RGS3: variants seen among roughly 807,000 people sequenced by gnomAD.
RGS3 encodes regulator of G-protein signalling 3.
Under a neutral mutation model 132.6 loss-of-function variants are expected in RGS3, and 80 were observed. That is an observed-to-expected ratio of 0.60 (90% CI 0.50 to 0.73). The LOEUF (loss-of-function observed/expected upper bound fraction) is 0.73. Ranked by LOEUF, RGS3 falls within the 30% of genes least tolerant of loss-of-function variation. The pLI is 0.00. For synonymous variants in RGS3, 598 were observed against 620.6 expected, an observed-to-expected ratio of 0.96 and a Z score of 0.54; for missense variants, 1,382 against 1,530.8, an observed-to-expected ratio of 0.90 and a Z score of 1.62.
chr9:113,573,124 T>C lies in RGS3; in HGVS notation c.2038-10326T>C, dbSNP rs566338497. On this transcript the variant is annotated intron_variant, in intron 19 of 24. Coordinates refer to ENST00000350696, the Ensembl canonical transcript of RGS3. ...AGTATTCACATTGCCATTTTACAGA[T>C]GAGGAAATCGAGCCTGAATAGGTTA... 1.8e-3 allele frequency among the ~76,000 whole-genome samples: 273 copies of C among 152,284 alleles called. 3 individuals are homozygous for C. Among genetic ancestry groups the C allele is most frequent in the South Asian group, 5.4e-3 (26 of 4,818 alleles).
chr9:113,586,833 G>A (rs1453106887), intron 20 of RGS3, among the ~76,000 whole-genome samples: 2 of 152,224 alleles, frequency 1.3e-5, no homozygotes, highest in South Asian at 2.1e-4. Flanking sequence ...GGTGAAATGG[G>A]TATGGTAATA....
chr9:113,552,976 C>A (rs547291236), intron 19 of RGS3, among the ~76,000 whole-genome samples: 27 of 152,216 alleles, frequency 1.8e-4, no homozygotes, highest in Admixed American at 3.9e-4. Context: ...CTAAACATTA[C>A]TAAACTGAAT....
intron 19 of RGS3, among the ~76,000 whole-genome samples, chr9:113,554,100 T>C (rs939320651): frequency 7.2e-5 from 11 of 152,232 alleles, no homozygotes; most frequent in African/African-American, 2.7e-4. Context: ...ATTGTTCTTA[T>C]CCTATTTTAT....
chr9:113,596,706 C>T (rs142528657), intron 24 of RGS3, 62 bp from the exon 23 acceptor site: 1 of 1,458,786 alleles, frequency 6.9e-7, no homozygotes, highest in East Asian at 2.3e-5. Context: ...CTTCCAGGCA[C>T]ATGGGCCCTA....
chr9:113,462,206 G>C (rs1357212878), intron 3 of RGS3: 1 of 1,599,636 alleles, frequency 6.3e-7, no homozygotes, highest in South Asian at 1.1e-5. Flanking sequence ...GTGCAGGTAA[G>C]TCCATCTGTC....
intron 16 of RGS3, among the ~76,000 whole-genome samples, chr9:113,520,096 AC>A (rs1454674238): frequency 6.6e-6 from 1 of 152,170 alleles, no homozygotes; most frequent in Non-Finnish European, 1.5e-5. Flanking sequence ...AGTGGTAAGG[AC>A]CCCCTTACCA....
chr9:113,498,473 C>G (rs1223062819), intron 10 of RGS3, among the ~76,000 whole-genome samples: 1 of 152,200 alleles, frequency 6.6e-6, no homozygotes, highest in Non-Finnish European at 1.5e-5. Flanking sequence ...GATTCTGAAC[C>G]TGAGACCAAG....
intron 16 of RGS3, among the ~76,000 whole-genome samples, chr9:113,519,120 CG>C (rs1831813778): frequency 6.6e-6 from 1 of 152,286 alleles, no homozygotes; most frequent in Non-Finnish European, 1.5e-5. Flanking sequence ...ATGAAAGGCA[CG>C]ATTGTCCCCA....
At chr9:113,505,565 A>C in intron 11 of RGS3, 42 bp downstream of exon 9, 1 of 1,483,040 alleles carries the variant, frequency 6.7e-7, no homozygotes, top group Non-Finnish European at 9.4e-7. Flanking sequence ...CTTGCCCACC[A>C]CACATGTGGG....
At position 113,553,824 on chromosome 9, in the gene RGS3, CAA is replaced by C. The variant is rs759251252; in HGVS notation, c.2037+16907_2037+16908del. On this transcript the variant is annotated intron_variant, in intron 19 of 24. Coordinates refer to ENST00000350696, the Ensembl canonical transcript of RGS3. ...TGCCGTTGCACTCCAGCCTGGGCGA[CAA>C]GAGAGAAACTCCGTCTCCAAAAAAA... Among the ~76,000 whole-genome samples, 6 of 152,106 alleles carry C rather than the reference CAA, an allele frequency of 3.9e-5. No homozygotes were observed. The East Asian group carries it at 5.8e-4, about 15-fold the overall frequency.
intron 10 of RGS3, among the ~76,000 whole-genome samples, chr9:113,499,973 G>A (rs911232112): frequency 6.6e-6 from 1 of 152,094 alleles, no homozygotes; most frequent in Admixed American, 6.6e-5. Context: ...CTTTCTACTT[G>A]CCAAGCACAG....
rs187267690 is a variant in RGS3, at chr9:113,496,707, C to T, written c.751-607C>T. ...CTGGGATTATAGGCATCTGCCACCA[C>T]GCCTGGCTAATTTTTGTATTTTTAG... On this transcript the variant is annotated intron_variant, in intron 8 of 24. Coordinates refer to ENST00000350696, the Ensembl canonical transcript of RGS3. 2.5e-3 allele frequency among the ~76,000 whole-genome samples: 374 copies of T among 152,204 alleles called. 1 individual carries two copies. Among genetic ancestry groups the T allele is most frequent in the African/African-American group, 8.0e-3 (334 of 41,516 alleles).
intron 19 of RGS3, among the ~76,000 whole-genome samples, chr9:113,553,881 A>C (rs1196842587): frequency 6.6e-6 from 1 of 152,124 alleles, no homozygotes; most frequent in Non-Finnish European, 1.5e-5. Context: ...CAGCACCTAA[A>C]CTTCTCCCTC....
At chr9:113,550,918 T>A (rs76094976) in intron 19 of RGS3, among the ~76,000 whole-genome samples, 2,078 of 152,348 alleles carry the variant, frequency 0.014, 42 homozygotes, top group African/African-American at 0.048. Flanking sequence ...ACTACAGATG[T>A]TTCTGACTTA....
At chr9:113,464,670 C>A (rs1829569515) in intron 3 of RGS3, among the ~76,000 whole-genome samples, 1 of 152,202 alleles carries the variant, frequency 6.6e-6, no homozygotes, top group African/African-American at 2.4e-5. Flanking sequence ...AGAGATCTTC[C>A]ATGAGCCAGT....
At chr9:113,447,259 C>T (rs1426280892) in intron 1 of RGS3, among the ~76,000 whole-genome samples, 1 of 107,572 alleles carries the variant, frequency 9.3e-6, no homozygotes, top group African/African-American at 3.6e-5. Context: ...AAGACTCTGT[C>T]TCAAAGAAAA....
rs562834809 is a variant in RGS3 at position 113,535,330 on chromosome 9, C to T, written c.1915-1466C>T. Among the ~76,000 whole-genome samples the T allele has an allele frequency of 9.2e-5, 14 of 152,176 alleles. No homozygotes were observed. In the East Asian group the frequency reaches 2.1e-3, roughly 23 times the overall value. ...CTGGGATTACAGGCACATGCCACCA[C>T]GCTGGCTAATTTTTGTATTTTTAGT... On this transcript the variant is annotated intron_variant, in intron 18 of 24. Coordinates refer to ENST00000350696, the Ensembl canonical transcript of RGS3.
In RGS3 at chr9:113,529,258, A is replaced by G. The variant is rs765758206; in HGVS notation, c.1908A>G (p.Leu636=). The change falls in exon 18 of 25, where the codon CTA becomes CTG. Residue 636 remains leucine (L), a synonymous_variant. Coordinates refer to ENST00000350696, the Ensembl canonical transcript of RGS3. ...ACCTGAAATTCTGCGTGCTCTATCT[A>G]GCAGAGGTGAGTCCTTTCCTCTGGA... 5 of 1,612,304 alleles carry G rather than the reference A, an allele frequency of 3.1e-6. No individual in the cohort carries two copies. In the South Asian group the frequency reaches 4.4e-5, roughly 14 times the overall value.
intron 18 of RGS3, among the ~76,000 whole-genome samples, chr9:113,535,837 C>T (rs1832655518): frequency 6.6e-6 from 1 of 152,174 alleles, no homozygotes; most frequent in African/African-American, 2.4e-5. Flanking sequence ...TTGTACTCCC[C>T]TGATGAGAGT....
Sources: allele counts gnomAD v4.1 joint callset (sites outside exome capture counted in the v4.1 genomes callset), GRCh38; gene constraint gnomAD v4.1.1; transcripts MANE v1.5; gene names NCBI Gene and HGNC (gene_info 2026-07-23, HGNC 2026-07-21).